The following CHN2 variants were observed in gnomAD, a reference collection of about 807,000 sequenced individuals.
CHN2 encodes the protein chimerin 2, also known as beta-chimaerin.
CHN2 carries 35 observed loss-of-function variants against 56.3 expected under a neutral mutation model. The observed-to-expected ratio is 0.62, with a 90% CI of 0.47 to 0.82. The LOEUF is 0.82. Ranked by LOEUF, CHN2 falls within the 40% of genes least tolerant of loss-of-function variation. The pLI, the probability that CHN2 is intolerant of heterozygous loss-of-function variation, is 0.00. For missense variants in CHN2, 491 were observed against 580.5 expected (o/e 0.85, Z 1.58); for synonymous variants, 210 against 212.8 (o/e 0.99, Z 0.12).
chr7:29,342,165 G>A (rs555223612), intron 1 of CHN2, among the ~76,000 whole-genome samples: 3 of 152,206 alleles, frequency 2.0e-5, no homozygotes, highest in Admixed American at 1.3e-4. Flanking sequence ...TGGCACATAA[G>A]TATTTGCTGA....
At chr7:29,225,235 T>C (rs1016724048) in intron 1 of CHN2, among the ~76,000 whole-genome samples, 5 of 152,224 alleles carry the variant, frequency 3.3e-5, no homozygotes, top group African/African-American at 1.2e-4. Flanking sequence ...CCATAATTTG[T>C]CTAAATCAAG....
intron 6 of CHN2, among the ~76,000 whole-genome samples, chr7:29,410,282 A>G (rs962112315): frequency 7.4e-6 from 1 of 134,744 alleles, no homozygotes; most frequent in Non-Finnish European, 1.5e-5. Context: ...GATTACTTTC[A>G]TTTTTAAGGT....
At chr7:29,468,136 A>ACCC (rs761559871) in intron 6 of CHN2, among the ~76,000 whole-genome samples, 2 of 36,098 alleles carry the variant, frequency 5.5e-5, no homozygotes, top group Admixed American at 2.8e-4. Context: ...AACCAAACGG[A>ACCC]CCCGCCCCCC....
chr7:29,292,325 T>C (rs1158858878), intron 1 of CHN2, among the ~76,000 whole-genome samples: 1 of 152,214 alleles, frequency 6.6e-6, no homozygotes, highest in East Asian at 1.9e-4. Flanking sequence ...TTTCAATCCA[T>C]TTACCAAAAG....
At chr7:29,254,633 C>A (rs182618587) in intron 1 of CHN2, among the ~76,000 whole-genome samples, 1 of 152,212 alleles carries the variant, frequency 6.6e-6, no homozygotes, top group East Asian at 1.9e-4. Context: ...TCCCTTGTCA[C>A]CACCACTCAC....
intron 1 of CHN2, among the ~76,000 whole-genome samples, chr7:29,204,148 T>C (rs770588780): frequency 1.1e-4 from 16 of 150,106 alleles, no homozygotes; most frequent in Non-Finnish European, 1.6e-4. Context: ...CTTTGTACCG[T>C]GATGTCCTGC....
intron 11 of CHN2, among the ~76,000 whole-genome samples, chr7:29,509,043 C>A (rs974475451): frequency 6.6e-6 from 1 of 152,184 alleles, no homozygotes; most frequent in African/African-American, 2.4e-5. Flanking sequence ...TGCTGGTTTA[C>A]AGATTCATGG....
chr7:29,370,865 AAAACCCACATACTTAGC>A (rs1256662612), intron 3 of CHN2, among the ~76,000 whole-genome samples: 16 of 152,220 alleles, frequency 1.1e-4, no homozygotes, highest in Admixed American at 7.9e-4. Context: ...TTCAGCAGGC[AAAACCCACATACTTAGC>A]AAATCCAGGA....
At chr7:29,456,158 C>T (rs1784736499) in intron 6 of CHN2, among the ~76,000 whole-genome samples, 2 of 152,230 alleles carry the variant, frequency 1.3e-5, no homozygotes, top group South Asian at 4.1e-4. Context: ...AATGCCACTT[C>T]TTTGAAGATG....
At chr7:29,288,168 G>C (rs1448282521) in intron 1 of CHN2, among the ~76,000 whole-genome samples, 1 of 152,092 alleles carries the variant, frequency 6.6e-6, no homozygotes, top group Non-Finnish European at 1.5e-5. Context: ...CTGTGTGTGG[G>C]AATAGGGAGC....
chr7:29,204,614 C>G (rs245924), intron 1 of CHN2, among the ~76,000 whole-genome samples: 2 of 151,892 alleles, frequency 1.3e-5, no homozygotes, highest in African/African-American at 4.8e-5. Context: ...TGGTTGGGGT[C>G]CTGGTTAGCT....
At chr7:29,227,252 A>G (rs1372267392) in intron 1 of CHN2, among the ~76,000 whole-genome samples, 2 of 152,204 alleles carry the variant, frequency 1.3e-5, no homozygotes, top group African/African-American at 4.8e-5. Flanking sequence ...TGCAGCCTAC[A>G]TTAAACTATC....
intron 7 of CHN2, among the ~76,000 whole-genome samples, chr7:29,489,076 T>A (rs1454911063): frequency 6.6e-6 from 1 of 152,242 alleles, no homozygotes; most frequent in African/African-American, 2.4e-5. Flanking sequence ...TCAGCAGCTA[T>A]GAGACAAATA....
intron 8 of CHN2, among the ~76,000 whole-genome samples, chr7:29,498,918 T>C (rs749758609): frequency 1.1e-4 from 17 of 152,164 alleles, no homozygotes; most frequent in Admixed American, 6.5e-4. Flanking sequence ...TCCACCACCA[T>C]GCCCAGCTAA....
chr7:29,159,605 T>A (rs1794903453), intron 2 of CHN2, among the ~76,000 whole-genome samples: 1 of 152,170 alleles, frequency 6.6e-6, no homozygotes, highest in South Asian at 2.1e-4. Context: ...ACAAGTCTTA[T>A]GCCTCCTCCT....
intron 2 of CHN2, among the ~76,000 whole-genome samples, chr7:29,168,081 G>T (rs555659784): frequency 3.3e-5 from 5 of 152,270 alleles, no homozygotes; most frequent in African/African-American, 1.2e-4. Context: ...GGTGTTGGTG[G>T]CAACAATATT....
intron 2 of CHN2, among the ~76,000 whole-genome samples, chr7:29,174,866 A>C (rs1477448647): frequency 6.6e-6 from 1 of 152,138 alleles, no homozygotes; most frequent in Non-Finnish European, 1.5e-5. Context: ...CATCTAAAAA[A>C]AAAAAAAAAA....
rs189179855 is a variant in CHN2, at chr7:29,495,497, C to T, written c.655-455C>T. ...TTGGAAGTAGCTCAAAGACTTGGAA[C>T]CTTTTAATTATCCCATAATCATGTC... On this transcript the variant is annotated intron_variant, in intron 7 of 12. Coordinates refer to ENST00000222792, the MANE Select transcript of CHN2 (RefSeq NM_004067.4). Among the ~76,000 whole-genome samples, 744 of 152,312 alleles carry T rather than the reference C, an allele frequency of 4.9e-3. 5 individuals carry two copies. Among genetic ancestry groups the T allele is most frequent in the African/African-American group, 0.017 (699 of 41,572 alleles).
rs145809923 is a variant in CHN2, at chr7:29,313,007, C to T, written c.50-41618C>T. Among the ~76,000 whole-genome samples the T allele has an allele frequency of 1.1e-3, 161 of 152,178 alleles. 9 individuals are homozygous for T. The East Asian group carries it at 0.029, about 27-fold the overall frequency. ...AGCCTCTGCATTTATCAGTAGTTTCCCTGAATCTTGGGTAATCATACAACT... is the reference window on the plus strand; with the variant it reads ...AGCCTCTGCATTTATCAGTAGTTTCTCTGAATCTTGGGTAATCATACAACT... On this transcript the variant is annotated intron_variant, in intron 1 of 12. Coordinates refer to ENST00000222792, the MANE Select transcript of CHN2 (RefSeq NM_004067.4).
Sources: gnomAD v4.1 joint callset for allele counts (sites outside exome capture counted in the v4.1 genomes callset) on GRCh38, gnomAD v4.1.1 for gene constraint, MANE v1.5 for transcripts, NCBI Gene and HGNC (gene_info 2026-07-23, HGNC 2026-07-21) for gene names.